Variants in ATP6V1C2 observed in about 807,000 individuals in gnomAD.
ATP6V1C2 encodes ATPase H+ transporting V1 subunit C2.
In ATP6V1C2, 45 loss-of-function variants were observed where a neutral mutation model predicts 56.8. The observed-to-expected ratio is 0.79, with a 90% confidence interval of 0.62 to 1.02. The LOEUF (loss-of-function observed/expected upper bound fraction) is 1.02, where lower values mean the gene tolerates loss of function less well. ATP6V1C2 is among the 50% of genes least tolerant of loss of function. The pLI, the probability that ATP6V1C2 is intolerant of heterozygous loss-of-function variation, is 0.00. For synonymous variants in ATP6V1C2, 220 were observed against 201.3 expected (o/e 1.09, Z -0.79); for missense variants, 463 against 519.7 (o/e 0.89, Z 1.06).
At chr2:10,723,712 G>A (rs1023103452) in intron 2 of ATP6V1C2, among the ~76,000 whole-genome samples, 9 of 151,614 alleles carry the variant, frequency 5.9e-5, no homozygotes, top group African/African-American at 1.7e-4. Flanking sequence ...GGTGGCGAGC[G>A]CCTGTAGTCC....
chr2:10,773,994 G>A (rs745581581), intron 8 of ATP6V1C2, among the ~76,000 whole-genome samples: 9 of 152,262 alleles, frequency 5.9e-5, no homozygotes, highest in Non-Finnish European at 1.3e-4. Flanking sequence ...GTGCTGGCAG[G>A]AGCATTCACT....
Position 10,771,937 on chromosome 2 carries a change from A to G in ATP6V1C2, c.569A>G (p.Lys190Arg). ...YLVTLLVIVP[K>R]PNYSQWQKTY... ...GTCACACTTCTGGTCATCGTCCCCA[A>G]GTGAGTGCTGGGCGATCACGAAGGA... Residue 190 changes from lysine to arginine, a missense_variant and splice_region_variant, in exon 7 of 14, where the codon AAA becomes AGA. Transcript: ENST00000272238. 2 of 1,613,506 alleles carry G rather than the reference A, an allele frequency of 1.2e-6. No individual in the cohort carries two copies. Among genetic ancestry groups the G allele is most frequent in the Non-Finnish European group, 1.7e-6 (2 of 1,179,480 alleles).
At chr2:10,775,455 G>T (rs1473432555) in intron 10 of ATP6V1C2, among the ~76,000 whole-genome samples, 1 of 152,214 alleles carries the variant, frequency 6.6e-6, no homozygotes, top group Non-Finnish European at 1.5e-5. Context: ...AGCAAGGCAC[G>T]TGGGCTCCAG....
chr2:10,738,542 C>T (rs564224341), intron 3 of ATP6V1C2, among the ~76,000 whole-genome samples: 16 of 152,304 alleles, frequency 1.1e-4, no homozygotes, highest in East Asian at 1.9e-4. Context: ...CAGGGACCCA[C>T]GGCTCCATTG....
At chr2:10,735,142 T>G (rs1328941020) in intron 3 of ATP6V1C2, among the ~76,000 whole-genome samples, 1 of 152,230 alleles carries the variant, frequency 6.6e-6, no homozygotes, top group Admixed American at 6.5e-5. Flanking sequence ...AAAGTTAATT[T>G]AACCTGTTTT....
intron 3 of ATP6V1C2, among the ~76,000 whole-genome samples, chr2:10,731,026 A>G (rs1363544128): frequency 1.3e-5 from 2 of 151,948 alleles, no homozygotes. Context: ...ATCAGGGCTC[A>G]CTGCAACCTC....
intron 10 of ATP6V1C2, among the ~76,000 whole-genome samples, chr2:10,776,663 G>A (rs1021565498): frequency 6.6e-6 from 1 of 152,242 alleles, no homozygotes; most frequent in Non-Finnish European, 1.5e-5. Context: ...TCTGGACGGG[G>A]CTAGACCGTG....
chr2:10,783,124 A>T, intron 13 of ATP6V1C2, 50 bp from the exon 14 acceptor site: 1 of 1,448,020 alleles, frequency 6.9e-7, no homozygotes, highest in Non-Finnish European at 9.7e-7. Flanking sequence ...AAAGGATAAG[A>T]CAGGAAACTA....
intron 3 of ATP6V1C2, among the ~76,000 whole-genome samples, chr2:10,739,900 G>GACC (rs1347933733): frequency 6.6e-6 from 1 of 151,960 alleles, no homozygotes; most frequent in African/African-American, 2.4e-5. Flanking sequence ...AGGAGTTCAA[G>GACC]ACCAGCCTGG....
chr2:10,722,037 T>A (rs191898958), intron 1 of ATP6V1C2, among the ~76,000 whole-genome samples: 7 of 152,084 alleles, frequency 4.6e-5, no homozygotes, highest in Admixed American at 4.6e-4. Context: ...CCACCAGGGG[T>A]CTCTGGCTCC....
At chr2:10,747,858 TC>T (rs1663006512) in intron 3 of ATP6V1C2, among the ~76,000 whole-genome samples, 1 of 152,058 alleles carries the variant, frequency 6.6e-6, no homozygotes, top group Non-Finnish European at 1.5e-5. Context: ...ACTTTTTTTT[TC>T]TTTTTCTTTT....
At chr2:10,758,983 A>G (rs1483231118) in intron 4 of ATP6V1C2, among the ~76,000 whole-genome samples, 1 of 152,200 alleles carries the variant, frequency 6.6e-6, no homozygotes, top group Non-Finnish European at 1.5e-5. Flanking sequence ...CTTTAAACTT[A>G]GTTTGACTTG....
chr2:10,745,357 C>T (rs559400857), intron 3 of ATP6V1C2, among the ~76,000 whole-genome samples: 15 of 128,094 alleles, frequency 1.2e-4, no homozygotes, highest in South Asian at 5.1e-4. Context: ...CCTTTTTAAC[C>T]GTTTTTTTTT....
At chr2:10,752,796 G>T (rs912469517) in intron 3 of ATP6V1C2, among the ~76,000 whole-genome samples, 1 of 152,146 alleles carries the variant, frequency 6.6e-6, no homozygotes, top group Non-Finnish European at 1.5e-5. Context: ...AGGAGTTTGA[G>T]ACTAGCCTGG....
At chr2:10,775,173 C>T in intron 10 of ATP6V1C2, 102 bp downstream of exon 10, 1 of 899,542 alleles carries the variant, frequency 1.1e-6, no homozygotes, top group East Asian at 2.5e-5. Flanking sequence ...CTCATTGTCC[C>T]CAGGCTCCTG....
intron 3 of ATP6V1C2, among the ~76,000 whole-genome samples, chr2:10,737,355 G>A (rs761271744): frequency 6.7e-4 from 102 of 151,192 alleles, no homozygotes; most frequent in Middle Eastern, 3.4e-3. Flanking sequence ...GCTTGAACCC[G>A]GGAGGTGCAG....
chr2:10,768,929 C>G (rs1344107806), intron 6 of ATP6V1C2, 119 bp downstream of exon 6: 2 of 792,930 alleles, frequency 2.5e-6, no homozygotes, highest in African/African-American at 3.4e-5. Flanking sequence ...GTGAGACAGA[C>G]AGACAGGTGG....
chr2:10,768,662 T>C, intron 5 of ATP6V1C2, 57 bp from the exon 6 acceptor site: 1 of 1,463,018 alleles, frequency 6.8e-7, no homozygotes, highest in Non-Finnish European at 9.6e-7. Flanking sequence ...TTTCAAAAAG[T>C]TCAGCCAACT....
intron 4 of ATP6V1C2, among the ~76,000 whole-genome samples, chr2:10,762,741 C>T (rs1467399845): frequency 6.6e-6 from 1 of 152,078 alleles, no homozygotes; most frequent in Non-Finnish European, 1.5e-5. Flanking sequence ...CGGCTTAGAG[C>T]ACTTCCCTCC....
Sources: gnomAD v4.1 joint callset for allele counts (sites outside exome capture counted in the v4.1 genomes callset) on GRCh38, gnomAD v4.1.1 for gene constraint, MANE v1.5 for transcripts, NCBI Gene and HGNC (gene_info 2026-07-23, HGNC 2026-07-21) for gene names.